Variants in TAS2R39 observed in about 807,000 individuals in gnomAD.
TAS2R39 encodes the protein taste receptor type 2 member 39.
Under a neutral mutation model 20.5 loss-of-function variants are expected in TAS2R39, and 22 were observed. That is an observed-to-expected ratio of 1.08 (90% CI 0.77 to 1.54). The LOEUF is 1.54. Among genes scored for constraint, TAS2R39 ranks in the 40% most tolerant of loss-of-function variants. The pLI, the probability that TAS2R39 is intolerant of heterozygous loss-of-function variation, is 0.00. For synonymous variants in TAS2R39, 128 were observed against 147.7 expected, an observed-to-expected ratio of 0.87 and a Z score of 0.97; for missense variants, 362 against 398.6, an observed-to-expected ratio of 0.91 and a Z score of 0.78.
In TAS2R39 at chr7:143,184,305, G is replaced by T; in HGVS notation, c.887G>T (p.Cys296Phe). ...FDINSLWNNL[C>F]QIIMAAYPAS... ...ATCAACAGTCTGTGGAATAATTTGT[G>T]CCAGATCATCATGGCTGCCTACCCT... is the stretch of plus-strand genomic sequence containing the variant. Residue 296 changes from cysteine (C) to phenylalanine (F), a missense_variant, in exon 1 of 1, where the codon TGC becomes TTC. Transcript: ENST00000446620. The T allele has an allele frequency of 6.2e-7, 1 of 1,613,692 alleles. No homozygotes were observed. The highest frequency in any genetic ancestry group is 8.5e-7 in the Non-Finnish European group (1 of 1,179,722).
At position 143,183,980 on chromosome 7, in the gene TAS2R39, T is replaced by C. The variant is rs771338888; in HGVS notation, c.562T>C (p.Phe188Leu). The C allele has an allele frequency of 7.4e-6, 12 of 1,613,408 alleles. No individual in the cohort carries two copies. The South Asian group carries it at 9.9e-5, about 13-fold the overall frequency. Residue 188 changes from phenylalanine to leucine, a missense_variant, in exon 1 of 1, where the codon TTC (phenylalanine) becomes CTC (leucine). Transcript: ENST00000446620. ...CTGCACTGTGTATTGTAACAATTCT[T>C]TCCCTATCCACTCCTCCAACTCCAC... ...NICTVYCNNS[F>L]PIHSSNSTKK...
rs1167055291 is a variant in TAS2R39, at chr7:143,184,142, A to G, written c.724A>G (p.Met242Val). The G allele has an allele frequency of 6.8e-6, 11 of 1,613,576 alleles. No individual in the cohort carries two copies. Among genetic ancestry groups the G allele is most frequent in the African/African-American group, 1.3e-5 (1 of 74,844 alleles). ...ILSLKRHTLH[M>V]GSNATGSNDP... The stretch of plus-strand genomic sequence containing the variant: ...CTCTCTCAAGAGACACACCCTACAC[A>G]TGGGAAGCAATGCCACAGGGTCCAA... Residue 242 changes from methionine (M) to valine (V), a missense_variant, in exon 1 of 1, where the codon ATG becomes GTG. By Grantham distance (21) the Met-to-Val change is conservative. Transcript: ENST00000446620.
In TAS2R39 at chr7:143,184,379, G is replaced by T; in HGVS notation, c.961G>T (p.Ala321Ser). 1 of 1,613,056 alleles carries T rather than the reference G, an allele frequency of 6.2e-7. No homozygotes were observed. Among genetic ancestry groups the T allele is most frequent in the Non-Finnish European group, 8.5e-7 (1 of 1,179,400 alleles). Residue 321 changes from alanine (A) to serine (S), a missense_variant, in exon 1 of 1, where the codon GCC (alanine) becomes TCC (serine). Coordinates refer to ENST00000446620, the MANE Select transcript of TAS2R39 (RefSeq NM_176881.2). ...LIQDNPGLRR[A>S]WKRLQLRLHL... ...TCAAGATAACCCTGGGCTGAGAAGA[G>T]CCTGGAAGCGGCTTCAGCTTCGACT...
Position 143,183,745 on chromosome 7 carries a change from A to G in TAS2R39, c.327A>G (p.Val109=). The G allele has an allele frequency of 6.2e-7, 1 of 1,613,384 alleles. No homozygotes were observed. Among genetic ancestry groups the G allele is most frequent in the Non-Finnish European group, 8.5e-7 (1 of 1,179,538 alleles). Residue 109 remains valine (V), a synonymous_variant, in exon 1 of 1, where the codon GTA becomes GTG. Coordinates refer to ENST00000446620, the MANE Select transcript of TAS2R39 (RefSeq NM_176881.2). ...TAAGTTTTTATTCTGAAGACGCTGTATATTATGCATTCAAAATAAGTTTTA... is the reference window on the plus strand; with the variant it reads ...TAAGTTTTTATTCTGAAGACGCTGTGTATTATGCATTCAAAATAAGTTTTA... ...TSLSFYSEDA[V]YYAFKISFIF... is the part of the protein sequence containing the mutation.
At position 143,183,828 on chromosome 7, in the gene TAS2R39, T is replaced by C; in HGVS notation, c.410T>C (p.Val137Ala). ...GCCTGGCTCAGTTTCTTCTACTTTGTGAAGATTGCCAATTTCTCCTACCCC... is the reference window on the plus strand; with the variant it reads ...GCCTGGCTCAGTTTCTTCTACTTTGCGAAGATTGCCAATTTCTCCTACCCC... Reference protein sequence around the residue: ...FAAWLSFFYFVKIANFSYPLF... With the variant: ...FAAWLSFFYFAKIANFSYPLF... The change falls in exon 1 of 1, where the codon GTG (valine) becomes GCG (alanine). Residue 137 changes from valine to alanine, a missense_variant. Coordinates refer to ENST00000446620, the MANE Select transcript of TAS2R39 (RefSeq NM_176881.2). The C allele has an allele frequency of 6.2e-7, 1 of 1,613,622 alleles. No homozygotes were observed. The highest frequency in any genetic ancestry group is 8.5e-7 in the Non-Finnish European group (1 of 1,179,642).
chr7:143,183,896 T>C lies in TAS2R39; in HGVS notation c.478T>C (p.Trp160Arg). The C allele has an allele frequency of 1.9e-6, 3 of 1,613,536 alleles. No individual in the cohort carries two copies. The highest frequency in any genetic ancestry group is 1.7e-5 in the Admixed American group (1 of 59,996). The change falls in exon 1 of 1, where the codon TGG becomes CGG. Residue 160 changes from tryptophan to arginine, a missense_variant. By Grantham distance (101) the Trp-to-Arg change is moderately radical. Coordinates refer to ENST00000446620, the MANE Select transcript of TAS2R39 (RefSeq NM_176881.2). ...GTGGAGAATTACTGGATTGATACCC[T>C]GGCTTCTGTGGCTGTCCGTGTTTAT... Reference protein sequence around the residue: ...LRWRITGLIPWLLWLSVFISF... With the variant: ...LRWRITGLIPRLLWLSVFISF...
Position 143,183,803 on chromosome 7 carries a change from G to C in TAS2R39, c.385G>C (p.Ala129Pro), listed in dbSNP as rs775037303. ...AAATTTTTGTAGCCTGTGGTTTGCTGCCTGGCTCAGTTTCTTCTACTTTGT... is the reference window on the plus strand; with the variant it reads ...AAATTTTTGTAGCCTGTGGTTTGCTCCCTGGCTCAGTTTCTTCTACTTTGT... ...FLNFCSLWFA[A>P]WLSFFYFVKI... The change falls in exon 1 of 1, where the codon GCC (alanine) becomes CCC (proline). Residue 129 changes from alanine to proline, a missense_variant. Transcript: ENST00000446620. 6.2e-7 allele frequency: 1 copy of C among 1,613,414 alleles called. No individual in the cohort carries two copies. The highest frequency in any genetic ancestry group is 8.5e-7 in the Non-Finnish European group (1 of 1,179,584).
rs759199460 is a variant in TAS2R39 at position 143,183,722 on chromosome 7, A to C, written c.304A>C (p.Ser102Arg). The C allele has an allele frequency of 3.1e-6, 5 of 1,613,284 alleles. No homozygotes were observed. The highest frequency in any genetic ancestry group is 1.7e-5 in the Admixed American group (1 of 60,002). Residue 102 changes from serine (S) to arginine (R), a missense_variant, in exon 1 of 1, where the codon AGT (serine) becomes CGT (arginine). Coordinates refer to ENST00000446620, the MANE Select transcript of TAS2R39 (RefSeq NM_176881.2). ...AATTACCATCAGCTCAACCTCCCTA[A>C]GTTTTTATTCTGAAGACGCTGTATA... is the stretch of plus-strand genomic sequence containing the variant. ...LEITISSTSL[S>R]FYSEDAVYYA...
In TAS2R39 at chr7:143,184,151, A is replaced by C. The variant is rs752449309; in HGVS notation, c.733A>C (p.Asn245His). The C allele has an allele frequency of 6.2e-7, 1 of 1,613,768 alleles. No individual in the cohort carries two copies. The highest frequency in any genetic ancestry group is 1.1e-5 in the South Asian group (1 of 91,068). Reference protein sequence around the residue: ...LKRHTLHMGSNATGSNDPSME... With the variant: ...LKRHTLHMGSHATGSNDPSME... ...GAGACACACCCTACACATGGGAAGCAATGCCACAGGGTCCAACGACCCCAG... is the reference window on the plus strand; with the variant it reads ...GAGACACACCCTACACATGGGAAGCCATGCCACAGGGTCCAACGACCCCAG... The change falls in exon 1 of 1, where the codon AAT becomes CAT. Residue 245 changes from asparagine to histidine, a missense_variant. Coordinates refer to ENST00000446620, the MANE Select transcript of TAS2R39 (RefSeq NM_176881.2).
Position 143,183,740 on chromosome 7 carries a change from G to A in TAS2R39, c.322G>A (p.Ala108Thr), listed in dbSNP as rs369502488. The A allele has an allele frequency of 9.9e-6, 16 of 1,613,072 alleles. No individual in the cohort carries two copies. The highest frequency in any genetic ancestry group is 5.3e-5 in the African/African-American group (4 of 74,850). Residue 108 changes from alanine (A) to threonine (T), a missense_variant, in exon 1 of 1, where the codon GCT becomes ACT. Transcript: ENST00000446620. ...STSLSFYSED[A>T]VYYAFKISFI... is the part of the protein sequence containing the mutation. The stretch of plus-strand genomic sequence containing the variant: ...CTCCCTAAGTTTTTATTCTGAAGAC[G>A]CTGTATATTATGCATTCAAAATAAG...
At position 143,184,370 on chromosome 7, in the gene TAS2R39, C is replaced by T; in HGVS notation, c.952C>T (p.Leu318=). Residue 318 remains leucine (L), a synonymous_variant, in exon 1 of 1, where the codon CTG becomes TTG. Transcript: ENST00000446620. ...SILLIQDNPG[L]RRAWKRLQLR... ...TCTACTGATTCAAGATAACCCTGGG[C>T]TGAGAAGAGCCTGGAAGCGGCTTCA... The T allele has an allele frequency of 2.5e-6, 4 of 1,613,374 alleles. 1 individual carries two copies. The highest frequency in any genetic ancestry group is 3.4e-6 in the Non-Finnish European group (4 of 1,179,562).
rs775480242 is a variant in TAS2R39, at chr7:143,184,339, C to G, written c.921C>G (p.His307Gln). 2.3e-5 allele frequency: 37 copies of G among 1,613,622 alleles called. No homozygotes were observed. Among genetic ancestry groups the G allele is most frequent in the Admixed American group, 8.3e-5 (5 of 59,958 alleles). The change falls in exon 1 of 1, where the codon CAC (histidine) becomes CAG (glutamine). Residue 307 changes from histidine (H) to glutamine (Q), a missense_variant. Coordinates refer to ENST00000446620, the MANE Select transcript of TAS2R39 (RefSeq NM_176881.2). ...TCATGGCTGCCTACCCTGCCAGCCA[C>G]TCAATTCTACTGATTCAAGATAACC... ...QIIMAAYPAS[H>Q]SILLIQDNPG...
Position 143,184,424 on chromosome 7 carries a change from T to C in TAS2R39, c.1006T>C (p.Trp336Arg), listed in dbSNP as rs772426382. ...TCGACTTCATCTTTACCCAAAAGAG[T>C]GGACTCTGTGACCAGCACCCAAGAA... The part of the protein sequence containing the change: ...QLRLHLYPKE[W>R]TL Residue 336 changes from tryptophan to arginine, a missense_variant, in exon 1 of 1, where the codon TGG becomes CGG. Transcript: ENST00000446620. 1 of 1,603,796 alleles carries C rather than the reference T, an allele frequency of 6.2e-7. No individual in the cohort carries two copies. The highest frequency in any genetic ancestry group is 8.5e-7 in the Non-Finnish European group (1 of 1,175,110).
Position 143,184,155 on chromosome 7 carries a change from C to T in TAS2R39, c.737C>T (p.Ala246Val). 6.2e-7 allele frequency: 1 copy of T among 1,613,760 alleles called. No individual in the cohort carries two copies. The highest frequency in any genetic ancestry group is 8.5e-7 in the Non-Finnish European group (1 of 1,179,774). ...CACACCCTACACATGGGAAGCAATG[C>T]CACAGGGTCCAACGACCCCAGCATG... ...KRHTLHMGSN[A>V]TGSNDPSMEA... Residue 246 changes from alanine (A) to valine (V), a missense_variant, in exon 1 of 1, where the codon GCC becomes GTC. Coordinates refer to ENST00000446620, the MANE Select transcript of TAS2R39 (RefSeq NM_176881.2).
chr7:143,183,718 C>T lies in TAS2R39; in HGVS notation c.300C>T (p.Ser100=). 6.2e-7 allele frequency: 1 copy of T among 1,613,368 alleles called. No homozygotes were observed. The highest frequency in any genetic ancestry group is 1.6e-4 in the Middle Eastern group (1 of 6,062). ...MMLEITISST[S]LSFYSEDAVY... Reference sequence around the variant, plus strand: ...TAGAAATTACCATCAGCTCAACCTCCCTAAGTTTTTATTCTGAAGACGCTG... The same window carrying T: ...TAGAAATTACCATCAGCTCAACCTCTCTAAGTTTTTATTCTGAAGACGCTG... Residue 100 remains serine, a synonymous_variant, in exon 1 of 1, where the codon TCC becomes TCT. Coordinates refer to ENST00000446620, the MANE Select transcript of TAS2R39 (RefSeq NM_176881.2).
In TAS2R39 at chr7:143,184,071, T is replaced by G. The variant is rs776388519; in HGVS notation, c.653T>G (p.Val218Gly). 2.5e-6 allele frequency: 4 copies of G among 1,613,718 alleles called. No homozygotes were observed. The South Asian group carries it at 4.4e-5, about 18-fold the overall frequency. Residue 218 changes from valine to glycine, a missense_variant, in exon 1 of 1, where the codon GTG becomes GGG. Transcript: ENST00000446620. The part of the protein sequence containing the change: ...GLAFFFNLGI[V>G]TPLIMFILTA... ...GCTTTTTTCTTTAACCTGGGGATTG[T>G]GACTCCTCTGATCATGTTCATCCTG...
At position 143,184,013 on chromosome 7, in the gene TAS2R39, A is replaced by G. The variant is rs753717672; in HGVS notation, c.595A>G (p.Thr199Ala). Residue 199 changes from threonine to alanine, a missense_variant, in exon 1 of 1, where the codon ACA becomes GCA. Coordinates refer to ENST00000446620, the MANE Select transcript of TAS2R39 (RefSeq NM_176881.2). ...PIHSSNSTKK[T>A]YLSEINVVGL... The stretch of plus-strand genomic sequence containing the variant: ...CCACTCCTCCAACTCCACTAAGAAA[A>G]CATACTTGTCTGAGATCAATGTGGT... The G allele has an allele frequency of 6.2e-7, 1 of 1,613,544 alleles. No homozygotes were observed. The highest frequency in any genetic ancestry group is 8.5e-7 in the Non-Finnish European group (1 of 1,179,670).
In TAS2R39 at chr7:143,183,834, T is replaced by C. The variant is rs756392603; in HGVS notation, c.416T>C (p.Ile139Thr). The change falls in exon 1 of 1, where the codon ATT becomes ACT. Residue 139 changes from isoleucine to threonine, a missense_variant. Coordinates refer to ENST00000446620, the MANE Select transcript of TAS2R39 (RefSeq NM_176881.2). ...AWLSFFYFVK[I>T]ANFSYPLFLK... is the part of the protein sequence containing the mutation. ...CTCAGTTTCTTCTACTTTGTGAAGA[T>C]TGCCAATTTCTCCTACCCCCTTTTC... 24 of 1,613,490 alleles carry C rather than the reference T, an allele frequency of 1.5e-5. 1 individual carries two copies. The highest frequency in any genetic ancestry group is 1.6e-4 in the Middle Eastern group (1 of 6,084).
Position 143,184,346 on chromosome 7 carries a change from C to T in TAS2R39, c.928C>T (p.Leu310=), listed in dbSNP as rs1391663456. 2 of 1,613,586 alleles carry T rather than the reference C, an allele frequency of 1.2e-6. No homozygotes were observed. Among genetic ancestry groups the T allele is most frequent in the South Asian group, 2.2e-5 (2 of 91,078 alleles). The change falls in exon 1 of 1, where the codon CTA becomes TTA. Residue 310 remains leucine (L), a synonymous_variant. Transcript: ENST00000446620. Reference sequence around the variant, plus strand: ...TGCCTACCCTGCCAGCCACTCAATTCTACTGATTCAAGATAACCCTGGGCT... The same window carrying T: ...TGCCTACCCTGCCAGCCACTCAATTTTACTGATTCAAGATAACCCTGGGCT... ...MAAYPASHSI[L]LIQDNPGLRR...
Sources: gnomAD v4.1 joint callset for allele counts on GRCh38, gnomAD v4.1.1 for gene constraint, MANE v1.5 for transcripts, NCBI Gene and HGNC (gene_info 2026-07-23, HGNC 2026-07-21) for gene names.